FBN1: variants seen among roughly 807,000 people sequenced by gnomAD.
FBN1 encodes fibrillin-1.
FBN1 carries 29 observed loss-of-function variants against 365.1 expected under a neutral mutation model. That is an observed-to-expected ratio of 0.08 (90% CI 0.06 to 0.11). The LOEUF is 0.11. Ranked by LOEUF, FBN1 falls within the 10% of genes least tolerant of loss-of-function variation. FBN1 has a pLI of 1.00. For missense variants in FBN1, 2,476 were observed against 3,703.2 expected (o/e 0.67, Z 8.60); for synonymous variants, 1,210 against 1,270.5 (o/e 0.95, Z 1.01).
intron 50 of FBN1, among the ~76,000 whole-genome samples, chr15:48,438,331 G>T (rs750327347): frequency 6.6e-6 from 1 of 152,140 alleles, no homozygotes; most frequent in Non-Finnish European, 1.5e-5. Flanking sequence ...TAGAGTAAGA[G>T]AATCCTCTTA....
chr15:48,541,057 T>A (rs1343874419), intron 6 of FBN1, among the ~76,000 whole-genome samples: 1 of 152,010 alleles, frequency 6.6e-6, no homozygotes, highest in African/African-American at 2.4e-5. Flanking sequence ...CAGTTCTGTC[T>A]GCCACTGATT....
intron 6 of FBN1, among the ~76,000 whole-genome samples, chr15:48,583,370 G>A (rs939283867): frequency 2.6e-5 from 4 of 151,994 alleles, no homozygotes; most frequent in African/African-American, 9.7e-5. Context: ...TAGTCCTCTG[G>A]GACTAACACT....
intron 12 of FBN1, among the ~76,000 whole-genome samples, chr15:48,514,698 T>C (rs965845395): frequency 6.6e-6 from 1 of 152,212 alleles, no homozygotes; most frequent in African/African-American, 2.4e-5. Context: ...ACTAGTATAA[T>C]GTGCAAAATT....
At chr15:48,583,110 G>A (rs1444813146) in intron 6 of FBN1, among the ~76,000 whole-genome samples, 2 of 152,216 alleles carry the variant, frequency 1.3e-5, no homozygotes, top group Admixed American at 6.5e-5. Flanking sequence ...CTCTCCACAG[G>A]AATGTGACTC....
At chr15:48,534,930 C>T (rs1212203023) in intron 7 of FBN1, among the ~76,000 whole-genome samples, 1 of 152,178 alleles carries the variant, frequency 6.6e-6, no homozygotes, top group Non-Finnish European at 1.5e-5. Flanking sequence ...CCCAGCTCAA[C>T]GTGCAAGTGT....
chr15:48,453,761 A>G (rs1239775417), intron 44 of FBN1, among the ~76,000 whole-genome samples: 1 of 152,084 alleles, frequency 6.6e-6, no homozygotes, highest in Non-Finnish European at 1.5e-5. Context: ...GGTAGGGAAT[A>G]TATGATAAAT....
chr15:48,627,335 C>G (rs905150284), intron 2 of FBN1, among the ~76,000 whole-genome samples: 1 of 152,268 alleles, frequency 6.6e-6, no homozygotes, highest in Middle Eastern at 3.4e-3. Flanking sequence ...TCTGCATTTC[C>G]CAACAGAGAA....
intron 2 of FBN1, among the ~76,000 whole-genome samples, chr15:48,632,785 T>C (rs12324694): frequency 0.023 from 3,476 of 152,300 alleles, 163 homozygotes; most frequent in African/African-American, 0.08. Context: ...ATGACCAAAC[T>C]GCCAAACATT....
intron 23 of FBN1, 107 bp downstream of exon 23, chr15:48,494,097 T>G: frequency 2.3e-6 from 2 of 860,624 alleles, no homozygotes; most frequent in Non-Finnish European, 3.9e-6. Flanking sequence ...TTTTCTCTGC[T>G]GCATATTTCT....
At chr15:48,537,540 A>G in intron 7 of FBN1, 71 bp downstream of exon 7, 2 of 1,578,280 alleles carry the variant, frequency 1.3e-6, no homozygotes, top group Non-Finnish European at 1.7e-6. Context: ...ATTCTCTTCA[A>G]CTTCATTGGA....
chr15:48,438,964 A>G (rs2043092896), intron 50 of FBN1, among the ~76,000 whole-genome samples: 1 of 152,104 alleles, frequency 6.6e-6, no homozygotes, highest in South Asian at 2.1e-4. Context: ...ATATTGTACT[A>G]TTCTTCTTTC....
intron 6 of FBN1, among the ~76,000 whole-genome samples, chr15:48,575,690 T>C (rs1421764500): frequency 6.6e-6 from 1 of 152,182 alleles, no homozygotes; most frequent in East Asian, 1.9e-4. Context: ...GAAATCATTA[T>C]ATTAAAAAGA....
chr15:48,501,053 T>C (rs2043651012), intron 17 of FBN1, among the ~76,000 whole-genome samples: 2 of 152,218 alleles, frequency 1.3e-5, no homozygotes, highest in Non-Finnish European at 2.9e-5. Flanking sequence ...TACTTCCATG[T>C]GTGGACCCTT....
chr15:48,639,451 G>A (rs1890160046), intron 2 of FBN1, among the ~76,000 whole-genome samples: 1 of 152,140 alleles, frequency 6.6e-6, no homozygotes, highest in Admixed American at 6.5e-5. Flanking sequence ...CCCCTTTCCA[G>A]GGACGCTGTC....
At chr15:48,443,973 A>G (rs1291363719) in intron 49 of FBN1, among the ~76,000 whole-genome samples, 3 of 152,194 alleles carry the variant, frequency 2.0e-5, no homozygotes, top group Non-Finnish European at 4.4e-5. Context: ...TCAAGCTTAC[A>G]GTGAGCTATA....
At chr15:48,522,959 C>G (rs771154751) in intron 9 of FBN1, among the ~76,000 whole-genome samples, 2 of 152,168 alleles carry the variant, frequency 1.3e-5, no homozygotes, top group Non-Finnish European at 1.5e-5. Flanking sequence ...GGATAAACGG[C>G]TGGAGAGGGA....
chr15:48,481,614 T>C, intron 32 of FBN1, 41 bp downstream of exon 32: 1 of 1,606,940 alleles, frequency 6.2e-7, no homozygotes, highest in Non-Finnish European at 8.5e-7. Flanking sequence ...ACCAATCTCT[T>C]AACTACTTAA....
At chr15:48,458,024 C>T (rs1038265673) in intron 43 of FBN1, among the ~76,000 whole-genome samples, 6 of 152,192 alleles carry the variant, frequency 3.9e-5, no homozygotes, top group Admixed American at 1.3e-4. Context: ...CCTGGAGGGC[C>T]CTTCCATCAG....
chr15:48,471,701 G>A (rs77198894), intron 35 of FBN1, among the ~76,000 whole-genome samples: 3 of 152,204 alleles, frequency 2.0e-5, no homozygotes, highest in African/African-American at 7.2e-5. Flanking sequence ...TTGAGTTCAC[G>A]TCTTGTTAAC....
Sources: gnomAD v4.1 joint callset for allele counts (sites outside exome capture counted in the v4.1 genomes callset) on GRCh38, gnomAD v4.1.1 for gene constraint, MANE v1.5 for transcripts, NCBI Gene and HGNC (gene_info 2026-07-23, HGNC 2026-07-21) for gene names.